FGF7: variants seen among roughly 807,000 people sequenced by gnomAD.
The protein encoded by FGF7 is fibroblast growth factor 7, also known as FGF-7.
A neutral mutation model predicts 20.5 loss-of-function variants in FGF7; 6 were observed. The observed-to-expected ratio is 0.29, with a 90% CI of 0.16 to 0.58. FGF7 has a LOEUF of 0.58. Ranked by LOEUF, FGF7 falls within the 20% of genes least tolerant of loss-of-function variation. The probability of loss-of-function intolerance (pLI) is 0.90; values close to 1 mark genes in which losing one functional copy is unlikely to be tolerated. For synonymous variants in FGF7, 64 were observed against 74.7 expected (o/e 0.86, Z 0.74); for missense variants, 144 against 228.8 (o/e 0.63, Z 2.39).
chr15:49,484,167 C>G (rs1246805722), intron 3 of FGF7, 143 bp from the exon 4 acceptor site: 2 of 556,836 alleles, frequency 3.6e-6, no homozygotes, highest in Non-Finnish European at 6.3e-6. Flanking sequence ...AGCTAATAAA[C>G]CACATTAGGC....
intron 2 of FGF7, among the ~76,000 whole-genome samples, chr15:49,453,398 C>G (rs2052964007): frequency 6.6e-6 from 1 of 152,148 alleles, no homozygotes; most frequent in South Asian, 2.1e-4. Flanking sequence ...GCCACCGTGC[C>G]TGGCCCAGTA....
chr15:49,470,234 T>C (rs2054616425), intron 2 of FGF7, among the ~76,000 whole-genome samples: 1 of 109,266 alleles, frequency 9.2e-6, no homozygotes, highest in African/African-American at 3.0e-5. Flanking sequence ...AAGTGGCACC[T>C]TATAATTCTT....
At chr15:49,464,049 C>T (rs2054048387) in intron 2 of FGF7, among the ~76,000 whole-genome samples, 1 of 151,040 alleles carries the variant, frequency 6.6e-6, no homozygotes, top group Admixed American at 6.6e-5. Context: ...ATTTTTTTTT[C>T]CATCCCCAAA....
intron 2 of FGF7, among the ~76,000 whole-genome samples, chr15:49,427,715 C>A (rs2050246223): frequency 6.6e-6 from 1 of 151,942 alleles, no homozygotes; most frequent in Non-Finnish European, 1.5e-5. Context: ...AGCAATGCTT[C>A]CACACAGGAA....
intron 2 of FGF7, among the ~76,000 whole-genome samples, chr15:49,466,251 T>A (rs1490514282): frequency 1.3e-5 from 2 of 152,162 alleles, no homozygotes. Flanking sequence ...AACCTGAAAA[T>A]CTTTTAGAGT....
chr15:49,449,154 G>C (rs1315622163), intron 2 of FGF7, among the ~76,000 whole-genome samples: 1 of 151,838 alleles, frequency 6.6e-6, no homozygotes, highest in East Asian at 1.9e-4. Flanking sequence ...GCTCACTCTA[G>C]CACTATCTCA....
At chr15:49,450,937 A>T (rs2052663085) in intron 2 of FGF7, among the ~76,000 whole-genome samples, 1 of 152,148 alleles carries the variant, frequency 6.6e-6, no homozygotes, top group Non-Finnish European at 1.5e-5. Context: ...AGCTACAGCT[A>T]ATCAACTCCT....
At chr15:49,481,740 T>C (rs1243060350) in intron 2 of FGF7, among the ~76,000 whole-genome samples, 1 of 152,220 alleles carries the variant, frequency 6.6e-6, no homozygotes, top group Admixed American at 6.5e-5. Context: ...TAATGCTTAA[T>C]AAATATATAA....
intron 2 of FGF7, among the ~76,000 whole-genome samples, chr15:49,469,945 T>A (rs1254554785): frequency 2.0e-5 from 3 of 152,138 alleles, no homozygotes; most frequent in Non-Finnish European, 4.4e-5. Context: ...ATTCTCACCT[T>A]CACAGTACAA....
intron 2 of FGF7, chr15:49,425,480 A>G (rs2050048485): frequency 2.0e-5 from 3 of 152,016 alleles, no homozygotes; most frequent in African/African-American, 7.2e-5. Context: ...TACTTAGTAA[A>G]AATAAATTTT....
chr15:49,484,511 A>T lies in FGF7; in HGVS notation c.*7A>T, dbSNP rs748042155. On this transcript the variant is annotated 3_prime_UTR_variant, in exon 4 of 4. Coordinates refer to ENST00000267843, the MANE Select transcript of FGF7 (RefSeq NM_002009.4). ...TCCTATGGCAATAACTTAATTGCAT[A>T]TGGTATATAAAGAACCAGTTCCAGC... is the stretch of plus-strand genomic sequence containing the variant. 4.2e-6 allele frequency: 6 copies of T among 1,424,618 alleles called. No individual in the cohort carries two copies. In the Admixed American group the frequency reaches 1.3e-4, roughly 31 times the overall value. The allele number at this position is 1,424,618 out of a possible 1,614,324, so 88.2% of individuals were successfully genotyped here.
intron 2 of FGF7, among the ~76,000 whole-genome samples, chr15:49,480,074 G>A (rs1464565015): frequency 6.6e-6 from 1 of 152,054 alleles, no homozygotes; most frequent in African/African-American, 2.4e-5. Flanking sequence ...TAGAAAATAG[G>A]GTTGATAAGC....
intron 2 of FGF7, among the ~76,000 whole-genome samples, chr15:49,439,717 TTC>T (rs1166077162): frequency 1.3e-5 from 2 of 151,778 alleles, no homozygotes; most frequent in Non-Finnish European, 2.9e-5. Context: ...CGTGGCTCTC[TTC>T]TCTTACTGCA....
intron 2 of FGF7, among the ~76,000 whole-genome samples, chr15:49,477,337 C>T (rs1164728579): frequency 1.3e-5 from 2 of 152,276 alleles, no homozygotes; most frequent in Non-Finnish European, 2.9e-5. Context: ...GCTTTTCATC[C>T]TTTTTCTGCT....
At chr15:49,423,874 G>T (rs766618338) in intron 1 of FGF7, among the ~76,000 whole-genome samples, 158 bp from the exon 2 acceptor site, 4 of 152,122 alleles carry the variant, frequency 2.6e-5, no homozygotes, top group Non-Finnish European at 5.9e-5. Context: ...AAGTGGTAAA[G>T]ATTTTGACAT....
rs1466083606 is a variant in FGF7 at position 49,476,216 on chromosome 15, TGTTTTTTTGTTTTTGG to T, written c.287-6934_287-6919del. On this transcript the variant is annotated intron_variant, in intron 2 of 3. Coordinates refer to ENST00000267843, the MANE Select transcript of FGF7 (RefSeq NM_002009.4). ...TGAATTCCTATTTATTTTGCTGTTT[TGTTTTTTTGTTTTTGG>T]TTTTTTTTTTTTTGCATTTGGCATA... Among the ~76,000 whole-genome samples, 69 of 128,862 alleles carry T rather than the reference TGTTTTTTTGTTTTTGG, an allele frequency of 5.4e-4. 6 individuals are homozygous for T. The highest frequency in any genetic ancestry group is 6.7e-4 in the Non-Finnish European group (40 of 60,084). 84.5% of individuals were successfully genotyped at this position (128,862 alleles called of 152,430 possible).
At chr15:49,432,886 T>C (rs2050742555) in intron 2 of FGF7, among the ~76,000 whole-genome samples, 1 of 151,564 alleles carries the variant, frequency 6.6e-6, no homozygotes, top group South Asian at 2.1e-4. Context: ...CAGCTATTAT[T>C]TGGGCCACCG....
chr15:49,482,164 A>G (rs544964864), intron 2 of FGF7, among the ~76,000 whole-genome samples: 11 of 152,244 alleles, frequency 7.2e-5, no homozygotes, highest in Admixed American at 7.2e-4. Context: ...TCATGTAGAA[A>G]ATGTAATTAA....
At chr15:49,477,541 C>T (rs530932219) in intron 2 of FGF7, among the ~76,000 whole-genome samples, 2 of 152,222 alleles carry the variant, frequency 1.3e-5, no homozygotes, top group African/African-American at 4.8e-5. Flanking sequence ...AAATAATATT[C>T]CAGTGTATAC....
Sources: gnomAD v4.1 joint callset for allele counts (sites outside exome capture counted in the v4.1 genomes callset) on GRCh38, gnomAD v4.1.1 for gene constraint, MANE v1.5 for transcripts, NCBI Gene and HGNC (gene_info 2026-07-23, HGNC 2026-07-21) for gene names.